HTT: variants seen among roughly 807,000 people sequenced by gnomAD.
HTT encodes huntingtin.
HTT carries 104 observed loss-of-function variants against 362.3 expected under a neutral mutation model. The observed-to-expected ratio is 0.29, with a 90% CI of 0.24 to 0.34. HTT has a LOEUF of 0.34. HTT is among the 10% of genes least tolerant of loss of function. The pLI is 1.00. For synonymous variants in HTT, 1,577 were observed against 1,548.7 expected, an observed-to-expected ratio of 1.02 and a Z score of -0.43; for missense variants, 3,301 against 3,928.6, an observed-to-expected ratio of 0.84 and a Z score of 4.27.
intron 3 of HTT, among the ~76,000 whole-genome samples, chr4:3,103,120 C>T (rs1424736555): frequency 6.6e-6 from 1 of 151,648 alleles, no homozygotes; most frequent in Non-Finnish European, 1.5e-5. Context: ...AGGGTGCCGT[C>T]TGAGCCCGTA....
chr4:3,203,859 A>C, intron 41 of HTT, 148 bp from the exon 42 acceptor site: 1 of 687,562 alleles, frequency 1.5e-6, no homozygotes, highest in Non-Finnish European at 2.5e-6. Flanking sequence ...CTGAGAGTAT[A>C]TATTACACAT....
At chr4:3,237,145 C>A (rs996527604) in intron 64 of HTT, among the ~76,000 whole-genome samples, 1 of 149,740 alleles carries the variant, frequency 6.7e-6, no homozygotes, top group Non-Finnish European at 1.5e-5. Context: ...GTGATCTCGG[C>A]TCACTGCAAC....
intron 40 of HTT, among the ~76,000 whole-genome samples, chr4:3,197,505 A>G (rs1173734793): frequency 6.6e-6 from 1 of 152,060 alleles, no homozygotes; most frequent in Non-Finnish European, 1.5e-5. Context: ...GGTGGCCCTC[A>G]GAGTCCGTCT....
intron 52 of HTT, among the ~76,000 whole-genome samples, chr4:3,219,769 A>C (rs1720590902): frequency 6.6e-6 from 1 of 152,216 alleles, no homozygotes. Context: ...CAGAGTTTAC[A>C]GAAATAAGCT....
intron 26 of HTT, among the ~76,000 whole-genome samples, chr4:3,153,864 C>T (rs566831654): frequency 6.6e-6 from 1 of 151,944 alleles, no homozygotes; most frequent in Non-Finnish European, 1.5e-5. Flanking sequence ...GTTGAGGCTA[C>T]AATGAAATAT....
intron 41 of HTT, chr4:3,203,214 A>G (rs1383137142): frequency 6.6e-6 from 1 of 152,230 alleles, no homozygotes; most frequent in African/African-American, 2.4e-5. Flanking sequence ...AAAAGTTTAA[A>G]TCTGTAGAAT....
At chr4:3,215,610 A>T (rs1406908439) in intron 51 of HTT, among the ~76,000 whole-genome samples, 2 of 152,180 alleles carry the variant, frequency 1.3e-5, no homozygotes, top group African/African-American at 2.4e-5. Flanking sequence ...TTGAGTGATA[A>T]TGAATAAATA....
At chr4:3,210,611 G>GT (rs1429429697) in intron 47 of HTT, among the ~76,000 whole-genome samples, 1 of 152,078 alleles carries the variant, frequency 6.6e-6, no homozygotes, top group East Asian at 1.9e-4. Context: ...GTGAGCAGTG[G>GT]GGGGGCCACC....
intron 50 of HTT, 140 bp from the exon 51 acceptor site, chr4:3,214,970 C>G: frequency 3.1e-6 from 2 of 644,736 alleles, no homozygotes; most frequent in Admixed American, 5.6e-5. Flanking sequence ...GTCTGTTTGT[C>G]TAAAATTGGT....
chr4:3,084,506 A>T (rs1713094171), intron 1 of HTT, among the ~76,000 whole-genome samples: 2 of 152,014 alleles, frequency 1.3e-5, no homozygotes, highest in Admixed American at 6.6e-5. Context: ...CCGGGCCAAC[A>T]TGATGAAACC....
rs758567290 is a variant in HTT, at chr4:3,212,050, C to T, written c.6536C>T (p.Thr2179Ile). 116 of 1,614,182 alleles carry T rather than the reference C, an allele frequency of 7.2e-5. 2 individuals carry two copies. The East Asian group carries it at 2.6e-3, about 36-fold the overall frequency. The stretch of plus-strand genomic sequence containing the variant: ...GTGACTCTGGCCCGTGTGAGCGGCA[C>T]CGTGCAGCAGCTCCCTGCTGTCCAT... Reference protein sequence around the residue: ...REVTLARVSGTVQQLPAVHHV... With the variant: ...REVTLARVSGIVQQLPAVHHV... Residue 2179 changes from threonine to isoleucine, a missense_variant, in exon 48 of 67, where the codon ACC becomes ATC. Physicochemically the swap from Thr to Ile is moderately conservative, Grantham distance 89 (BLOSUM62 -1). Coordinates refer to ENST00000355072, the MANE Select transcript of HTT (RefSeq NM_001388492.1).
intron 34 of HTT, among the ~76,000 whole-genome samples, chr4:3,177,930 CAT>C (rs990401821): frequency 1.8e-4 from 28 of 152,264 alleles, no homozygotes; most frequent in African/African-American, 3.6e-4. Flanking sequence ...GGTCTGGAAA[CAT>C]AGTGTTTATT....
At position 3,235,762 on chromosome 4, in the gene HTT, C is replaced by T. The variant is rs1578617452; in HGVS notation, c.8769C>T (p.Leu2923=). 6.2e-7 allele frequency: 1 copy of T among 1,608,874 alleles called. No homozygotes were observed. Among genetic ancestry groups the T allele is most frequent in the South Asian group, 1.1e-5 (1 of 91,038 alleles). ...CCATGGCGGCTCTGGGCCTGATGCT[C>T]ACCTGCATGTACACAGGTGAGCATG... The part of the protein sequence containing the change: ...HRAMAALGLM[L]TCMYTGKEKV... Residue 2923 remains leucine, a synonymous_variant, in exon 63 of 67, where the codon CTC becomes CTT. Coordinates refer to ENST00000355072, the MANE Select transcript of HTT (RefSeq NM_001388492.1).
intron 18 of HTT, among the ~76,000 whole-genome samples, chr4:3,133,254 T>G (rs1715905554): frequency 6.7e-6 from 1 of 148,530 alleles, no homozygotes; most frequent in Admixed American, 6.8e-5. Flanking sequence ...GAGGCCAAGG[T>G]GGAAGGATTG....
chr4:3,168,748 T>C (rs73792351), intron 29 of HTT, among the ~76,000 whole-genome samples: 1,774 of 152,240 alleles, frequency 0.012, 33 homozygotes, highest in African/African-American at 0.041. Flanking sequence ...CGCAGTGGCA[T>C]GCGTCTGTGG....
At chr4:3,075,354 C>G (rs1712463995) in intron 1 of HTT, among the ~76,000 whole-genome samples, 1 of 152,254 alleles carries the variant, frequency 6.6e-6, no homozygotes, top group Non-Finnish European at 1.5e-5. Flanking sequence ...CCTGAATTCA[C>G]CGAGGGGAGT....
At chr4:3,082,156 A>G (rs6830019) in intron 1 of HTT, among the ~76,000 whole-genome samples, 1 of 152,154 alleles carries the variant, frequency 6.6e-6, no homozygotes, top group African/African-American at 2.4e-5. Context: ...ATATTGTTCC[A>G]TAGCAGTACC....
intron 60 of HTT, among the ~76,000 whole-genome samples, chr4:3,230,333 C>T (rs1334206744): frequency 2.0e-5 from 3 of 152,176 alleles, no homozygotes; most frequent in Admixed American, 2.0e-4. Flanking sequence ...CCCACAGAAC[C>T]ACGGTGTGTG....
intron 2 of HTT, among the ~76,000 whole-genome samples, chr4:3,098,131 C>G (rs1031756650): frequency 6.6e-6 from 1 of 152,218 alleles, no homozygotes; most frequent in Non-Finnish European, 1.5e-5. Flanking sequence ...GTTGACAGTA[C>G]TGCTTTGGAG....
Sources: allele counts gnomAD v4.1 joint callset (sites outside exome capture counted in the v4.1 genomes callset), GRCh38; gene constraint gnomAD v4.1.1; transcripts MANE v1.5; gene names NCBI Gene and HGNC (gene_info 2026-07-23, HGNC 2026-07-21).